Variants in GSDME observed in about 807,000 individuals in gnomAD.
GSDME encodes gasdermin E, also known as gasdermin-E.
Under a neutral mutation model 47.5 loss-of-function variants are expected in GSDME, and 44 were observed. The observed-to-expected ratio is 0.93, with a 90% CI of 0.73 to 1.19. GSDME has a LOEUF of 1.19. GSDME is among the 50% of genes most tolerant of loss of function. GSDME has a pLI of 0.00. For synonymous variants in GSDME, 258 were observed against 252.8 expected (o/e 1.02, Z -0.20); for missense variants, 663 against 604.2 (o/e 1.10, Z -1.02).
At chr7:24,703,985 C>A (rs903449033) in intron 8 of GSDME, 15 of 152,206 alleles carry the variant, frequency 9.9e-5, no homozygotes, top group African/African-American at 3.4e-4. Context: ...AACCATCATC[C>A]TCATCTCTTA....
In GSDME at chr7:24,716,751, A is replaced by G. The variant is rs1789571787; in HGVS notation, c.697+503T>C. The G allele has an allele frequency of 5.3e-6, 1 of 187,690 alleles. No homozygotes were observed. Among genetic ancestry groups the G allele is most frequent in the East Asian group, 1.2e-4 (1 of 8,136 alleles). The allele number at this position is 187,690 out of a possible 1,614,324, so 11.6% of individuals were successfully genotyped here. A position where few individuals can be genotyped will look rare whatever the true frequency, so the allele number is the denominator to read the frequency against. Reference sequence around the variant, plus strand: ...CAATAATGATGATAATGCTATTAATAGCAAAGGTGGAGGAATTAATAAATG... The same window carrying G: ...CAATAATGATGATAATGCTATTAATGGCAAAGGTGGAGGAATTAATAAATG... On this transcript the variant is annotated intron_variant, in intron 5 of 9. Transcript: ENST00000645220. The surrounding 1 kb of genome is among the most constrained non-coding windows in gnomAD (Gnocchi z 4.5).
In GSDME at chr7:24,708,178, G is replaced by A. The variant is rs556679282; in HGVS notation, c.939C>T (p.Ile313=). 165 of 1,614,186 alleles carry A rather than the reference G, an allele frequency of 1.0e-4. 7 individuals are homozygous for A. The South Asian group carries it at 1.8e-3, about 17-fold the overall frequency. The change falls in exon 7 of 10, where the codon ATC becomes ATT. Residue 313 remains isoleucine (I), a synonymous_variant. Transcript: ENST00000645220. ...CATCATCAAATAGGACCGCCTGGAA[G>A]ATGTCACTCAAAGCTGTCTGTTGTG... is the stretch of plus-strand genomic sequence containing the variant. ...PEPQQTALSD[I]FQAVLFDDEL... is the part of the protein sequence containing the mutation.
rs3038356 is a variant in GSDME at position 24,744,923 on chromosome 7, C to CGT, written c.212-171_212-170dup. 0.55 allele frequency among the ~76,000 whole-genome samples: 77,364 copies of CGT among 139,902 alleles called. 21,491 individuals are homozygous for CGT. Among genetic ancestry groups the CGT allele is most frequent in the East Asian group, 0.65 (3,094 of 4,730 alleles). 91.8% of individuals were successfully genotyped at this position (139,902 alleles called of 152,430 possible). ...GTGTGGGCAAGAAAACAGGGCAGCACGTGTGTGTGTGTGTGTGTGTGTGTG... is the reference window on the plus strand; with the variant it reads ...GTGTGGGCAAGAAAACAGGGCAGCACGTGTGTGTGTGTGTGTGTGTGTGTGTG... On this transcript the variant is annotated intron_variant, in intron 2 of 9. Coordinates refer to ENST00000645220, the MANE Select transcript of GSDME (RefSeq NM_001127453.2). This position sits in a 1 kb window ranked among gnomAD's most constrained non-coding sequence, Gnocchi z 4.5.
At chr7:24,746,236 C>T (rs1214800005) in intron 2 of GSDME, among the ~76,000 whole-genome samples, 1 of 152,132 alleles carries the variant, frequency 6.6e-6, no homozygotes, top group African/African-American at 2.4e-5. Context: ...TATTCATGGA[C>T]TTTTTTTGTT....
chr7:24,771,589 G>T, the GSDME span, among the ~76,000 whole-genome samples: 2 of 152,160 alleles, frequency 1.3e-5, no homozygotes, highest in African/African-American at 2.4e-5. The surrounding 1 kb of genome is among the most constrained non-coding windows in gnomAD (Gnocchi z 4.1). Flanking sequence ...CAAGTTGCCT[G>T]AGTTTTTGGG....
rs1205159210 is a variant in GSDME at position 24,705,577 on chromosome 7, G to C, written c.1183+607C>G. 6.3e-6 allele frequency: 1 copy of C among 158,412 alleles called. No homozygotes were observed. Among genetic ancestry groups the C allele is most frequent in the Non-Finnish European group, 1.4e-5 (1 of 71,760 alleles). The allele number at this position is 158,412 out of a possible 1,614,324, so 9.8% of individuals were successfully genotyped here. A position where few individuals can be genotyped will look rare whatever the true frequency, so the allele number is the denominator to read the frequency against. On this transcript the variant is annotated intron_variant, in intron 8 of 9. Coordinates refer to ENST00000645220, the MANE Select transcript of GSDME (RefSeq NM_001127453.2). This position sits in a 1 kb window ranked among gnomAD's most constrained non-coding sequence, Gnocchi z 4.1. Reference sequence around the variant, plus strand: ...AGGCACTGTGGCATGGCGAGTTCCGGATGGGAGGGGTACAGAGGTGGCAGA... The same window carrying C: ...AGGCACTGTGGCATGGCGAGTTCCGCATGGGAGGGGTACAGAGGTGGCAGA...
chr7:24,720,162 C>T (rs1053782217), intron 3 of GSDME, among the ~76,000 whole-genome samples: 2 of 152,158 alleles, frequency 1.3e-5, no homozygotes, highest in Non-Finnish European at 2.9e-5. Flanking sequence ...TTGGGGCTCC[C>T]ACCCAGCCAC....
At chr7:24,717,401 C>T in intron 4 of GSDME, 27 bp from the exon 5 acceptor site, 3 of 1,614,126 alleles carry the variant, frequency 1.9e-6, no homozygotes, top group African/African-American at 1.3e-5. Flanking sequence ...ACACTCCCAC[C>T]TGTGCACTCG....
rs147837828 is a variant in GSDME, at chr7:24,752,867, G to C, written c.-19-3074C>G. On this transcript the variant is annotated intron_variant, in intron 1 of 9. Coordinates refer to ENST00000645220, the MANE Select transcript of GSDME (RefSeq NM_001127453.2). ...CAGGTTTCTGTAGAAACCAAATCAG[G>C]CTTGCCATTAAAAAACAAAATAAAA... Among the ~76,000 whole-genome samples, 13 of 152,264 alleles carry C rather than the reference G, an allele frequency of 8.5e-5. No homozygotes were observed. The South Asian group carries it at 1.0e-3, about 12-fold the overall frequency.
chr7:24,755,010 T>C (rs994384282), intron 1 of GSDME, among the ~76,000 whole-genome samples: 2 of 152,214 alleles, frequency 1.3e-5, no homozygotes, highest in African/African-American at 4.8e-5. Flanking sequence ...CACATTTCCT[T>C]ATTTAATCTT....
intron 7 of GSDME, among the ~76,000 whole-genome samples, chr7:24,706,984 TG>T: frequency 6.6e-6 from 1 of 152,352 alleles, no homozygotes. Flanking sequence ...CACAGGGTGC[TG>T]GCCTGACATT....
At chr7:24,783,071 T>C in the GSDME span, among the ~76,000 whole-genome samples, 1 of 152,250 alleles carries the variant, frequency 6.6e-6, no homozygotes, top group African/African-American at 2.4e-5. Context: ...ATTATCCTGT[T>C]GTACTCTCAC....
the GSDME span, among the ~76,000 whole-genome samples, chr7:24,768,272 CT>C: frequency 6.6e-6 from 1 of 152,292 alleles, no homozygotes; most frequent in East Asian, 1.9e-4. The surrounding 1 kb of genome is among the most constrained non-coding windows in gnomAD (Gnocchi z 5.6). Flanking sequence ...GGAGAAACAC[CT>C]GCTGGGCTGT....
chr7:24,729,557 C>T (rs147068004), intron 3 of GSDME, among the ~76,000 whole-genome samples: 186 of 152,278 alleles, frequency 1.2e-3, no homozygotes, highest in African/African-American at 4.3e-3. Flanking sequence ...GGGGTCTAAC[C>T]TAAGGAATAC....
chr7:24,705,626 G>C lies in GSDME; in HGVS notation c.1183+558C>G, dbSNP rs1439206033. 1 of 171,784 alleles carries C rather than the reference G, an allele frequency of 5.8e-6. No homozygotes were observed. The highest frequency in any genetic ancestry group is 1.3e-5 in the Non-Finnish European group (1 of 79,672). The allele number at this position is 171,784 out of a possible 1,614,324, so 10.6% of individuals were successfully genotyped here. On this transcript the variant is annotated intron_variant, in intron 8 of 9. Coordinates refer to ENST00000645220, the MANE Select transcript of GSDME (RefSeq NM_001127453.2). This position sits in a 1 kb window ranked among gnomAD's most constrained non-coding sequence, Gnocchi z 4.1. ...GAGATTGTTCCACAGTAACTGGATG[G>C]CTGCTCCCCTGGGAGGCCATTTCAG...
At chr7:24,763,724 A>G in the GSDME span, among the ~76,000 whole-genome samples, 1 of 152,344 alleles carries the variant, frequency 6.6e-6, no homozygotes, top group Admixed American at 6.5e-5. The surrounding 1 kb of genome is among the most constrained non-coding windows in gnomAD (Gnocchi z 4.3). Flanking sequence ...TTTGGCCAGA[A>G]ATCAGTCACA....
rs561190290 is a variant in GSDME at position 24,742,522 on chromosome 7, C to A, written c.404+2040G>T. On this transcript the variant is annotated intron_variant, in intron 3 of 9. Coordinates refer to ENST00000645220, the MANE Select transcript of GSDME (RefSeq NM_001127453.2). The surrounding 1 kb of genome is among the most constrained non-coding windows in gnomAD (Gnocchi z 4.4). Reference sequence around the variant, plus strand: ...CTGTTGGCTCTGGCTTCTTTCTCTCCGGAATGTTTTCTCCCATCTCTTCTC... The same window carrying A: ...CTGTTGGCTCTGGCTTCTTTCTCTCAGGAATGTTTTCTCCCATCTCTTCTC... 5.3e-5 allele frequency among the ~76,000 whole-genome samples: 8 copies of A among 152,304 alleles called. No individual in the cohort carries two copies. The highest frequency in any genetic ancestry group is 5.2e-4 in the Admixed American group (8 of 15,298).
chr7:24,708,253 C>A lies in GSDME; in HGVS notation c.864G>T (p.Ala288=). ...GGAAATTCCTCTCCAGGAGCAGGGTCGCTGTGAAAACAAAGCACACCCAAG... is the reference window on the plus strand; with the variant it reads ...GGAAATTCCTCTCCAGGAGCAGGGTAGCTGTGAAAACAAAGCACACCCAAG... ...QDGPLSVLKQ[A]TLLLERNFHP... is the part of the protein sequence containing the mutation. The change falls in exon 7 of 10, where the codon GCG becomes GCT. Residue 288 remains alanine (A), a splice_region_variant and synonymous_variant. Transcript: ENST00000645220. 6.2e-7 allele frequency: 1 copy of A among 1,613,966 alleles called. No homozygotes were observed. The highest frequency in any genetic ancestry group is 8.5e-7 in the Non-Finnish European group (1 of 1,180,020).
intron 3 of GSDME, among the ~76,000 whole-genome samples, chr7:24,740,532 C>T (rs925506949): frequency 6.6e-6 from 1 of 151,736 alleles, no homozygotes; most frequent in Non-Finnish European, 1.5e-5. Context: ...GTGATGGATA[C>T]CTCATTTTAC....
Sources: gnomAD v4.1 joint callset for allele counts (sites outside exome capture counted in the v4.1 genomes callset) on GRCh38, gnomAD v4.1.1 for gene constraint, Gnocchi (gnomAD v3.1) non-coding constraint, MANE v1.5 for transcripts, NCBI Gene and HGNC (gene_info 2026-07-23, HGNC 2026-07-21) for gene names.